The following SAMD3 variants were observed in gnomAD, a reference collection of about 807,000 sequenced individuals.
The protein encoded by SAMD3 is sterile alpha motif domain-containing protein 3.
In SAMD3, 63 loss-of-function variants were observed where a neutral mutation model predicts 58.5. That is an observed-to-expected ratio of 1.08 (90% CI 0.88 to 1.33). The LOEUF (loss-of-function observed/expected upper bound fraction) is 1.33. Among genes scored for constraint, SAMD3 ranks in the 40% most tolerant of loss-of-function variants. The pLI is 0.00. For missense variants in SAMD3, 604 were observed against 608.4 expected, an observed-to-expected ratio of 0.99 and a Z score of 0.08; for synonymous variants, 220 against 210.3, an observed-to-expected ratio of 1.05 and a Z score of -0.40.
chr6:130,339,463 T>G (rs890433147), intron 1 of SAMD3, among the ~76,000 whole-genome samples: 2 of 152,154 alleles, frequency 1.3e-5, no homozygotes, highest in Non-Finnish European at 2.9e-5. Flanking sequence ...TGATAGTGAG[T>G]GAGTTCTCAT....
At chr6:130,174,089 C>A (rs2114662725) in intron 8 of SAMD3, among the ~76,000 whole-genome samples, 1 of 152,314 alleles carries the variant, frequency 6.6e-6, no homozygotes, top group African/African-American at 2.4e-5. Flanking sequence ...GAATTTCAAG[C>A]CCGTGGTTCT....
intron 3 of SAMD3, 31 bp downstream of exon 3, chr6:130,215,164 T>A: frequency 8.4e-7 from 1 of 1,197,554 alleles, no homozygotes; most frequent in Non-Finnish European, 1.2e-6. Context: ...GGCTGCTCAA[T>A]TAAAATTTTT....
chr6:130,228,459 G>T (rs1428633715), intron 2 of SAMD3, among the ~76,000 whole-genome samples: 1 of 152,154 alleles, frequency 6.6e-6, no homozygotes, highest in Non-Finnish European at 1.5e-5. Flanking sequence ...GGAATGGTTC[G>T]ATTCTTACCT....
chr6:130,189,049 A>G (rs894836779), intron 5 of SAMD3, among the ~76,000 whole-genome samples: 4 of 150,700 alleles, frequency 2.7e-5, no homozygotes, highest in African/African-American at 7.3e-5. Context: ...CAACTTGTAC[A>G]TTGTTCATCT....
At chr6:130,287,861 C>G (rs1327549782) in intron 2 of SAMD3, among the ~76,000 whole-genome samples, 1 of 151,660 alleles carries the variant, frequency 6.6e-6, no homozygotes, top group Non-Finnish European at 1.5e-5. Flanking sequence ...AGGAGAATCG[C>G]TTGAACCCGG....
Position 130,330,444 on chromosome 6 carries a change from C to T in SAMD3, c.-303-17351G>A, listed in dbSNP as rs540410046. ...AGTTACCAATATCAGGACCTCAAAG[C>T]GTAGTGAGATTCAGTCATGTAGCTA... On this transcript the variant is annotated intron_variant, in intron 1 of 13. Transcript: ENST00000368134. Among the ~76,000 whole-genome samples the T allele has an allele frequency of 4.6e-5, 7 of 152,154 alleles. No homozygotes were observed. The South Asian group carries it at 1.0e-3, about 23-fold the overall frequency.
intron 9 of SAMD3, among the ~76,000 whole-genome samples, chr6:130,152,101 A>G (rs1789249325): frequency 6.6e-6 from 1 of 151,896 alleles, no homozygotes; most frequent in African/African-American, 2.4e-5. Flanking sequence ...AACAGCCAGG[A>G]CCACCGCCCA....
chr6:130,166,310 A>T (rs1452553419), intron 8 of SAMD3, among the ~76,000 whole-genome samples: 1 of 152,178 alleles, frequency 6.6e-6, no homozygotes, highest in Non-Finnish European at 1.5e-5. Flanking sequence ...GCAACAAAAA[A>T]TGTCTCTACA....
At chr6:130,196,458 T>G (rs902007940) in intron 5 of SAMD3, among the ~76,000 whole-genome samples, 4 of 152,060 alleles carry the variant, frequency 2.6e-5, no homozygotes, top group Non-Finnish European at 4.4e-5. Context: ...TCACCCCATT[T>G]CCCCACATTT....
chr6:130,300,772 C>T (rs1775719503), intron 2 of SAMD3, among the ~76,000 whole-genome samples: 1 of 152,150 alleles, frequency 6.6e-6, no homozygotes, highest in Non-Finnish European at 1.5e-5. Context: ...TAAATGAATT[C>T]AGCAAAACTT....
intron 8 of SAMD3, chr6:130,159,663 C>A (rs539123977): frequency 2.6e-5 from 4 of 152,166 alleles, no homozygotes; most frequent in African/African-American, 9.7e-5. Context: ...AAAATTGCAA[C>A]CTTGTCTTTC....
intron 1 of SAMD3, among the ~76,000 whole-genome samples, chr6:130,344,723 A>C (rs1777386450): frequency 1.3e-5 from 2 of 150,748 alleles, no homozygotes; most frequent in South Asian, 4.2e-4. Flanking sequence ...CCTTTGCTGC[A>C]GATGCCACTC....
intron 2 of SAMD3, among the ~76,000 whole-genome samples, chr6:130,270,931 T>G (rs1233679314): frequency 1.3e-5 from 2 of 152,188 alleles, no homozygotes; most frequent in Non-Finnish European, 2.9e-5. Context: ...GATGTGCACA[T>G]TTTAAATATT....
chr6:130,228,791 AG>A (rs1301791381), intron 2 of SAMD3, among the ~76,000 whole-genome samples: 1 of 152,186 alleles, frequency 6.6e-6, no homozygotes, highest in African/African-American at 2.4e-5. Flanking sequence ...TACTGGGCAG[AG>A]GGATTTCTAC....
intron 2 of SAMD3, among the ~76,000 whole-genome samples, chr6:130,269,236 G>A (rs187754661): frequency 9.9e-5 from 15 of 152,204 alleles, no homozygotes; most frequent in Admixed American, 3.3e-4. Context: ...ATTGAATAAC[G>A]CTTTGCTCTT....
intron 5 of SAMD3, among the ~76,000 whole-genome samples, chr6:130,203,814 G>A (rs561330877): frequency 1.8e-4 from 27 of 152,138 alleles, no homozygotes; most frequent in Non-Finnish European, 3.2e-4. Context: ...CATCTAACTG[G>A]AACCTGCATT....
chr6:130,292,911 C>G (rs1227316442), intron 2 of SAMD3, among the ~76,000 whole-genome samples: 1 of 152,218 alleles, frequency 6.6e-6, no homozygotes, highest in Admixed American at 6.5e-5. Flanking sequence ...AACCACCATG[C>G]CCGGCCAGGA....
At chr6:130,180,953 C>CTTTTTTTTTTTTTTTTTTTTTTTTT (rs370213784) in intron 7 of SAMD3, among the ~76,000 whole-genome samples, 17 of 117,350 alleles carry the variant, frequency 1.4e-4, no homozygotes, top group Admixed American at 2.7e-4. Flanking sequence ...TTCTTTCTTT[C>CTTTTTTTTTTTTTTTTTTTTTTTTT]TTTTTTCTTT....
At chr6:130,310,628 C>A (rs1035657664) in intron 2 of SAMD3, among the ~76,000 whole-genome samples, 5 of 152,156 alleles carry the variant, frequency 3.3e-5, no homozygotes, top group African/African-American at 1.2e-4. Context: ...TTTTTCCAAG[C>A]AATAAATAAT....
Sources: allele counts gnomAD v4.1 joint callset (sites outside exome capture counted in the v4.1 genomes callset), GRCh38; gene constraint gnomAD v4.1.1; transcripts MANE v1.5; gene names NCBI Gene and HGNC (gene_info 2026-07-23, HGNC 2026-07-21).